The following ADAM10 variants were observed in gnomAD, a reference collection of about 807,000 sequenced individuals.
The protein encoded by ADAM10 is disintegrin and metalloproteinase domain-containing protein 10.
In ADAM10, 17 loss-of-function variants were observed where a neutral mutation model predicts 90.1. The observed-to-expected ratio is 0.19, with a 90% CI of 0.13 to 0.28. The LOEUF is 0.28. Among genes scored for constraint, ADAM10 ranks in the 10% least tolerant of loss-of-function variants. ADAM10 has a pLI of 1.00. For synonymous variants in ADAM10, 310 were observed against 298.6 expected (o/e 1.04, Z -0.40); for missense variants, 610 against 914.3 (o/e 0.67, Z 4.29).
chr15:58,722,556 T>C (rs1898890228), intron 1 of ADAM10, among the ~76,000 whole-genome samples: 1 of 149,002 alleles, frequency 6.7e-6, no homozygotes, highest in Non-Finnish European at 1.5e-5. Context: ...AGAAAAGAAC[T>C]GAAATCAAAT....
intron 2 of ADAM10, among the ~76,000 whole-genome samples, chr15:58,709,623 C>A (rs1489606305): frequency 6.6e-6 from 1 of 152,034 alleles, no homozygotes; most frequent in African/African-American, 2.4e-5. Flanking sequence ...ACCTGTAATG[C>A]CAGCTACTAG....
intron 14 of ADAM10, among the ~76,000 whole-genome samples, chr15:58,601,414 T>C (rs1354648763): frequency 6.6e-6 from 1 of 152,114 alleles, no homozygotes; most frequent in African/African-American, 2.4e-5. Context: ...TGAGCCGAGA[T>C]TGTGCCACTG....
chr15:58,746,602 A>C (rs1280024654), intron 1 of ADAM10, among the ~76,000 whole-genome samples: 1 of 152,132 alleles, frequency 6.6e-6, no homozygotes, highest in African/African-American at 2.4e-5. Flanking sequence ...TTTTCTTGTT[A>C]AGAAAAATGT....
chr15:58,682,234 T>C lies in ADAM10; in HGVS notation c.287A>G (p.Asp96Gly). The C allele has an allele frequency of 6.2e-7, 1 of 1,613,074 alleles. No individual in the cohort carries two copies. The highest frequency in any genetic ancestry group is 8.5e-7 in the Non-Finnish European group (1 of 1,179,488). ...AGTGTAAATATGAGAGGTATCATAA[T>C]CAAGTACTTTATTTGATGTTTCTAC... ...FKVETSNKVL[D>G]YDTSHIYTGH... The change falls in exon 3 of 16, where the codon GAT becomes GGT. Residue 96 changes from aspartate (D) to glycine (G), a missense_variant. Asp to Gly is a moderately conservative substitution (Grantham distance 94). This residue lies in a region of ADAM10 where 310 missense variants were observed against 362.4 expected (regional missense o/e 0.86). Transcript: ENST00000260408.
Position 58,597,532 on chromosome 15 carries a change from A to C in ADAM10, c.*15T>G, listed in dbSNP as rs1336077724. 1.2e-6 allele frequency: 2 copies of C among 1,614,094 alleles called. No homozygotes were observed. Among genetic ancestry groups the C allele is most frequent in the Admixed American group, 1.7e-5 (1 of 60,018 alleles). On this transcript the variant is annotated 3_prime_UTR_variant, in exon 16 of 16. Transcript: ENST00000260408. The stretch of plus-strand genomic sequence containing the variant: ...CCATTGTAGGCACTAGGAAGAACCA[A>C]GGCAAAAGCTGCAGTTAGCGTCTCA...
intron 5 of ADAM10, among the ~76,000 whole-genome samples, chr15:58,662,838 G>A (rs1306231961): frequency 1.3e-5 from 2 of 152,086 alleles, no homozygotes; most frequent in African/African-American, 4.8e-5. Flanking sequence ...CAGGTATTGC[G>A]CCCGTAAGTC....
rs1361282988 is a variant in ADAM10 at position 58,594,763 on chromosome 15, T to C, written c.*2784A>G. 2.6e-5 allele frequency: 4 copies of C among 152,144 alleles called. No homozygotes were observed. Among genetic ancestry groups the C allele is most frequent in the Admixed American group, 2.0e-4 (3 of 15,264 alleles). 9.4% of individuals were successfully genotyped at this position (152,144 alleles called of 1,614,324 possible). A position where few individuals can be genotyped will look rare whatever the true frequency, so the allele number is the denominator to read the frequency against. ...ACAAGTAAAAATAACTAATTTATAA[T>C]TACCCAAATCAATCAATATTGAGAG... On this transcript the variant is annotated 3_prime_UTR_variant, in exon 16 of 16. Coordinates refer to ENST00000260408, the MANE Select transcript of ADAM10 (RefSeq NM_001110.4).
chr15:58,644,213 G>A (rs1015411683), intron 6 of ADAM10, among the ~76,000 whole-genome samples: 3 of 150,842 alleles, frequency 2.0e-5, no homozygotes, highest in South Asian at 2.1e-4. Flanking sequence ...ACTTCTTTGC[G>A]GTTTTTTTTT....
chr15:58,662,509 A>G (rs1038311967), intron 5 of ADAM10, among the ~76,000 whole-genome samples: 3 of 152,128 alleles, frequency 2.0e-5, no homozygotes, highest in Non-Finnish European at 4.4e-5. Context: ...ATTAAAAATA[A>G]TAATAATTAT....
At chr15:58,641,571 A>G (rs1451796238) in intron 7 of ADAM10, among the ~76,000 whole-genome samples, 1 of 152,198 alleles carries the variant, frequency 6.6e-6, no homozygotes, top group Non-Finnish European at 1.5e-5. Flanking sequence ...TACTCTTTGA[A>G]GCTGAGTTCT....
At chr15:58,713,973 T>C (rs148582073) in intron 2 of ADAM10, among the ~76,000 whole-genome samples, 2,576 of 150,554 alleles carry the variant, frequency 0.017, 44 homozygotes, top group Middle Eastern at 0.027. Context: ...CCCAGCTAAT[T>C]GTTTGTATTT....
At chr15:58,726,541 G>C (rs1419835002) in intron 1 of ADAM10, among the ~76,000 whole-genome samples, 1 of 123,234 alleles carries the variant, frequency 8.1e-6, no homozygotes, top group Non-Finnish European at 1.6e-5. Context: ...CTCCAGCCTG[G>C]GCGACAGAGC....
At chr15:58,734,639 G>T (rs1165716234) in intron 1 of ADAM10, among the ~76,000 whole-genome samples, 1 of 151,362 alleles carries the variant, frequency 6.6e-6, no homozygotes, top group Non-Finnish European at 1.5e-5. Flanking sequence ...AGTAGAGGCC[G>T]CAGTGAGCCA....
chr15:58,717,725 G>C lies in ADAM10; in HGVS notation c.58C>G (p.Gln20Glu). Residue 20 changes from glutamine to glutamate, a missense_variant and splice_region_variant, in exon 2 of 16, where the codon CAG becomes GAG. Physicochemically the swap from Gln to Glu is conservative, Grantham distance 29. Around this residue, in one of 4 missense-constraint regions of ADAM10, gnomAD observed 310 missense variants for 362.4 expected, o/e 0.86. Transcript: ENST00000260408. ...LLSWAAGMGG[Q>E]YGNPLNKYIR... The stretch of plus-strand genomic sequence containing the variant: ...TATTTATTTAAAGGATTCCCATACT[G>C]ACCTATAAAAAAAAAACAACATTCT... 1 of 1,609,832 alleles carries C rather than the reference G, an allele frequency of 6.2e-7. No individual in the cohort carries two copies. Among genetic ancestry groups the C allele is most frequent in the Non-Finnish European group, 8.5e-7 (1 of 1,178,624 alleles).
At chr15:58,683,399 C>T (rs1049514866) in intron 2 of ADAM10, among the ~76,000 whole-genome samples, 3 of 152,068 alleles carry the variant, frequency 2.0e-5, no homozygotes, top group Non-Finnish European at 4.4e-5. Context: ...ACATTTGTGA[C>T]ATGAATAAGT....
intron 1 of ADAM10, among the ~76,000 whole-genome samples, chr15:58,722,012 G>A (rs533437584): frequency 6.6e-6 from 1 of 152,006 alleles, no homozygotes; most frequent in South Asian, 2.1e-4. Context: ...TGGGTGACAA[G>A]AGCAAAACTC....
In ADAM10 at chr15:58,701,367, G is replaced by C. The variant is rs189511113; in HGVS notation, c.206+16210C>G. 4.7e-4 allele frequency among the ~76,000 whole-genome samples: 72 copies of C among 152,188 alleles called. 1 individual carries two copies. In the East Asian group the frequency reaches 9.6e-3, roughly 20 times the overall value. Reference sequence around the variant, plus strand: ...TAAAGAAGAAAAAGACATAGAAATGGCCAAAAGGTATAAAAAACAATGCTC... The same window carrying C: ...TAAAGAAGAAAAAGACATAGAAATGCCCAAAAGGTATAAAAAACAATGCTC... On this transcript the variant is annotated intron_variant, in intron 2 of 15. Transcript: ENST00000260408.
chr15:58,684,901 C>T (rs1305503225), intron 2 of ADAM10, among the ~76,000 whole-genome samples: 2 of 152,090 alleles, frequency 1.3e-5, no homozygotes, highest in African/African-American at 4.8e-5. Context: ...AACTGAATTA[C>T]GCTGAATTGT....
chr15:58,657,350 C>T (rs957020713), intron 5 of ADAM10, among the ~76,000 whole-genome samples: 11 of 152,124 alleles, frequency 7.2e-5, no homozygotes, highest in African/African-American at 2.7e-4. Context: ...AGGCTATTTC[C>T]TAGATATTAT....
Sources: allele counts gnomAD v4.1 joint callset (sites outside exome capture counted in the v4.1 genomes callset), GRCh38; gene constraint gnomAD v4.1.1; regional missense constraint gnomAD v4.1.1; transcripts MANE v1.5; gene names NCBI Gene and HGNC (gene_info 2026-07-23, HGNC 2026-07-21).